Variants in ZFR observed in about 807,000 individuals in gnomAD.
ZFR encodes zinc finger RNA binding protein.
In ZFR, 19 loss-of-function variants were observed where a neutral mutation model predicts 130.7. The observed-to-expected ratio is 0.15, with a 90% CI of 0.10 to 0.21. The LOEUF (loss-of-function observed/expected upper bound fraction) is 0.21. Ranked by LOEUF, ZFR falls within the 10% of genes least tolerant of loss-of-function variation. ZFR has a pLI of 1.00. For synonymous variants in ZFR, 466 were observed against 456.9 expected (o/e 1.02, Z -0.25); for missense variants, 872 against 1,321.5 (o/e 0.66, Z 5.27).
intron 17 of ZFR, among the ~76,000 whole-genome samples, chr5:32,376,768 C>T (rs1185180767): frequency 6.6e-6 from 1 of 152,080 alleles, no homozygotes; most frequent in Non-Finnish European, 1.5e-5. Flanking sequence ...GGGCAGATCA[C>T]CCAAGGTTAG....
At chr5:32,393,190 T>C (rs1234991222) in intron 11 of ZFR, among the ~76,000 whole-genome samples, 2 of 152,184 alleles carry the variant, frequency 1.3e-5, no homozygotes, top group Non-Finnish European at 2.9e-5. Flanking sequence ...AGCATAACTT[T>C]TCCCACTATT....
chr5:32,444,148 G>A, intron 2 of ZFR, 81 bp downstream of exon 2: 3 of 1,482,146 alleles, frequency 2.0e-6, no homozygotes, highest in East Asian at 2.6e-5. Flanking sequence ...GGCTGGGGAC[G>A]GGCGCGGGGG....
In ZFR at chr5:32,417,691, A is replaced by T. The variant is rs200457682; in HGVS notation, c.522T>A (p.Ala174=). 1.9e-5 allele frequency: 31 copies of T among 1,613,948 alleles called. No individual in the cohort carries two copies. In the East Asian group the frequency reaches 6.9e-4, roughly 36 times the overall value. Residue 174 remains alanine, a synonymous_variant, in exon 4 of 20, where the codon GCT becomes GCA. Transcript: ENST00000265069. ...PTATAAAVAA[A]AQPQPSVAET... is the part of the protein sequence containing the mutation. Reference sequence around the variant, plus strand: ...CAGCAACAGAAGGCTGAGGTTGGGCAGCGGCAGCTACAGCAGCAGCAGTTG... The same window carrying T: ...CAGCAACAGAAGGCTGAGGTTGGGCTGCGGCAGCTACAGCAGCAGCAGTTG...
intron 15 of ZFR, among the ~76,000 whole-genome samples, chr5:32,380,967 A>G (rs1752923586): frequency 6.6e-6 from 1 of 152,084 alleles, no homozygotes; most frequent in African/African-American, 2.4e-5. Context: ...GGCATTTCTA[A>G]AAGTTTAATG....
In ZFR at chr5:32,384,623, G is replaced by A. The variant is rs181202340; in HGVS notation, c.2641+885C>T. 1.5e-3 allele frequency among the ~76,000 whole-genome samples: 231 copies of A among 152,186 alleles called. 1 individual carries two copies. Among genetic ancestry groups the A allele is most frequent in the Middle Eastern group, 0.014 (4 of 294 alleles). ...TCACAAAGAAATATTAGTGTAGACTGTTATTCCATACTCAACAAGATGTAT... is the reference window on the plus strand; with the variant it reads ...TCACAAAGAAATATTAGTGTAGACTATTATTCCATACTCAACAAGATGTAT... On this transcript the variant is annotated intron_variant, in intron 15 of 19. Transcript: ENST00000265069.
At chr5:32,412,941 G>C (rs775935685) in intron 5 of ZFR, among the ~76,000 whole-genome samples, 3 of 152,152 alleles carry the variant, frequency 2.0e-5, no homozygotes, top group Non-Finnish European at 4.4e-5. Context: ...TGTAATCCCA[G>C]CACTCTGGGA....
chr5:32,386,608 C>T (rs1369372864), intron 14 of ZFR, among the ~76,000 whole-genome samples: 1 of 151,936 alleles, frequency 6.6e-6, no homozygotes, highest in African/African-American at 2.4e-5. Flanking sequence ...GAAGTAAACA[C>T]ACAACACAGC....
chr5:32,356,045 G>T (rs1752299530), intron 19 of ZFR, 106 bp from the exon 20 acceptor site: 1 of 820,308 alleles, frequency 1.2e-6, no homozygotes, highest in East Asian at 2.9e-5. Flanking sequence ...CATGTGTAAT[G>T]AAAGAAACAT....
chr5:32,420,997 C>T (rs1753944708), intron 2 of ZFR, among the ~76,000 whole-genome samples: 1 of 152,044 alleles, frequency 6.6e-6, no homozygotes, highest in African/African-American at 2.4e-5. Context: ...ACATTTAAAC[C>T]TCAAAGAGAC....
At chr5:32,390,498 T>C (rs1753144094) in intron 11 of ZFR, 61 bp from the exon 12 acceptor site, 2 of 1,473,012 alleles carry the variant, frequency 1.4e-6, no homozygotes, top group Middle Eastern at 1.8e-4. Flanking sequence ...AGAACTTGCA[T>C]CAATAGTGAC....
At chr5:32,435,171 A>G (rs1284332226) in intron 2 of ZFR, among the ~76,000 whole-genome samples, 2 of 152,218 alleles carry the variant, frequency 1.3e-5, no homozygotes, top group East Asian at 3.8e-4. Context: ...TCAGCCTCCC[A>G]AAATGCTGGG....
intron 16 of ZFR, chr5:32,379,864 C>T (rs944284543): frequency 1.2e-5 from 5 of 417,938 alleles, no homozygotes; most frequent in Admixed American, 7.6e-5. Flanking sequence ...CTACAAAACA[C>T]TCCCCAAACC....
intron 11 of ZFR, among the ~76,000 whole-genome samples, chr5:32,393,524 T>C (rs779286279): frequency 6.6e-6 from 1 of 152,192 alleles, no homozygotes; most frequent in African/African-American, 2.4e-5. Flanking sequence ...GTATTTTTAG[T>C]AGAGATGGGA....
At chr5:32,404,211 T>C (rs1166286007) in intron 6 of ZFR, 114 bp from the exon 7 acceptor site, 2 of 902,526 alleles carry the variant, frequency 2.2e-6, no homozygotes, top group African/African-American at 3.3e-5. Flanking sequence ...AAAACAAACT[T>C]TTTAAGTTGA....
At chr5:32,365,678 C>A (rs1235030304) in intron 17 of ZFR, among the ~76,000 whole-genome samples, 1 of 150,210 alleles carries the variant, frequency 6.7e-6, no homozygotes, top group African/African-American at 2.4e-5. Context: ...CCCACCTCAG[C>A]TCAGGATCAC....
At chr5:32,412,985 T>A (rs145222274) in intron 5 of ZFR, among the ~76,000 whole-genome samples, 2,542 of 151,786 alleles carry the variant, frequency 0.017, 37 homozygotes, top group Non-Finnish European at 0.026. Flanking sequence ...AGGTTAGGAG[T>A]TCGAGACCAG....
intron 5 of ZFR, among the ~76,000 whole-genome samples, chr5:32,411,124 C>T (rs1423637982): frequency 6.6e-6 from 1 of 152,200 alleles, no homozygotes; most frequent in East Asian, 1.9e-4. Context: ...TATAAGAAAT[C>T]ATGGCTCCTG....
rs796697636 is a variant in ZFR, at chr5:32,397,457, AT to A, written c.1714-120del. The A allele has an allele frequency of 4.5e-3, 5,375 of 1,202,400 alleles. 47 individuals are homozygous for A. The highest frequency in any genetic ancestry group is 0.042 in the African/African-American group (2,713 of 64,238). The allele number at this position is 1,202,400 out of a possible 1,614,324, so 74.5% of individuals were successfully genotyped here. On this transcript the variant is annotated intron_variant, in intron 9 of 19. Coordinates refer to ENST00000265069, the MANE Select transcript of ZFR (RefSeq NM_016107.5). ...AGAAAGAAGTGGCAATGTCTATTAC[AT>A]TTTTTTTTTCCCCAGGACAGAGTCT... is the stretch of plus-strand genomic sequence containing the variant.
chr5:32,417,568 A>C, intron 4 of ZFR, 80 bp downstream of exon 4: 1 of 1,571,430 alleles, frequency 6.4e-7, no homozygotes, highest in Non-Finnish European at 8.6e-7. Flanking sequence ...AGATGGACTC[A>C]AAAGCTTATC....
Sources: gnomAD v4.1 joint callset for allele counts (sites outside exome capture counted in the v4.1 genomes callset) on GRCh38, gnomAD v4.1.1 for gene constraint, MANE v1.5 for transcripts, NCBI Gene and HGNC (gene_info 2026-07-23, HGNC 2026-07-21) for gene names.